Variants in SV2B observed in about 807,000 individuals in gnomAD.
SV2B encodes the protein solute carrier family 22 member B2.
In SV2B, 41 loss-of-function variants were observed where a neutral mutation model predicts 73.9. The ratio of observed to expected loss-of-function variants is 0.56; its 90% CI spans 0.43 to 0.72. SV2B has a LOEUF of 0.72. Ranked by LOEUF, SV2B falls within the 30% of genes least tolerant of loss-of-function variation. The pLI, the probability that SV2B is intolerant of heterozygous loss-of-function variation, is 0.00. For missense variants in SV2B, 764 were observed against 857.8 expected, an observed-to-expected ratio of 0.89 and a Z score of 1.37; for synonymous variants, 314 against 314.2, an observed-to-expected ratio of 1.00 and a Z score of 0.01.
intron 7 of SV2B, 33 bp downstream of exon 7, chr15:91,266,725 C>A (rs749358998): frequency 6.5e-7 from 1 of 1,532,210 alleles, no homozygotes; most frequent in Admixed American, 1.7e-5. Flanking sequence ...GATGAGGATG[C>A]GTCTCTATGG....
intron 1 of SV2B, among the ~76,000 whole-genome samples, chr15:91,201,608 G>T (rs1339679002): frequency 1.3e-5 from 2 of 152,188 alleles, no homozygotes; most frequent in South Asian, 4.1e-4. Flanking sequence ...CCTGTCTTCA[G>T]CCAAAGCTGC....
rs1184826395 is a variant in SV2B, at chr15:91,140,942, A to C, written c.-392+40579A>C. ...AAGAGAAACCACACAGCCTCAGATGAACATATGTTAACACTAAGATTCTCC... is the reference window on the plus strand; with the variant it reads ...AAGAGAAACCACACAGCCTCAGATGCACATATGTTAACACTAAGATTCTCC... On this transcript the variant is annotated intron_variant, in intron 1 of 12. Coordinates refer to ENST00000394232, the MANE Select transcript of SV2B (RefSeq NM_001323032.3). This position sits in a 1 kb window ranked among gnomAD's most constrained non-coding sequence, Gnocchi z 4.4. Among the ~76,000 whole-genome samples, 2 of 151,940 alleles carry C rather than the reference A, an allele frequency of 1.3e-5. No individual in the cohort carries two copies. The highest frequency in any genetic ancestry group is 4.8e-5 in the African/African-American group (2 of 41,366).
intron 1 of SV2B, among the ~76,000 whole-genome samples, chr15:91,143,022 T>C (rs568336051): frequency 5.8e-4 from 88 of 152,358 alleles, no homozygotes; most frequent in African/African-American, 2.1e-3. Flanking sequence ...ATGAGGCTCC[T>C]CTTACTCACC....
chr15:91,240,610 A>G lies in SV2B; in HGVS notation c.452-11209A>G, dbSNP rs1337229795. Reference sequence around the variant, plus strand: ...AGAGTAAAGAAGATTCTAGAATTCAATGTATTCTTGGTAAGCTTCCCAGCA... The same window carrying G: ...AGAGTAAAGAAGATTCTAGAATTCAGTGTATTCTTGGTAAGCTTCCCAGCA... On this transcript the variant is annotated intron_variant, in intron 2 of 12. Transcript: ENST00000394232. This position sits in a 1 kb window ranked among gnomAD's most constrained non-coding sequence, Gnocchi z 4.6. 6.6e-6 allele frequency among the ~76,000 whole-genome samples: 1 copy of G among 152,112 alleles called. No individual in the cohort carries two copies. The highest frequency in any genetic ancestry group is 2.4e-5 in the African/African-American group (1 of 41,434).
chr15:91,222,668 C>T (rs1393884065), intron 1 of SV2B, among the ~76,000 whole-genome samples: 2 of 152,192 alleles, frequency 1.3e-5, no homozygotes, highest in Non-Finnish European at 2.9e-5. Flanking sequence ...CACTCTGTAT[C>T]ATCCCTAACA....
intron 1 of SV2B, among the ~76,000 whole-genome samples, chr15:91,161,019 A>G (rs989301287): frequency 3.2e-5 from 4 of 126,418 alleles, no homozygotes; most frequent in African/African-American, 1.2e-4. Flanking sequence ...CCCACGGATT[A>G]ACCTCAAAAC....
chr15:91,268,456 A>G lies in SV2B; in HGVS notation c.1224A>G (p.Thr408=). 6.2e-7 allele frequency: 1 copy of G among 1,613,732 alleles called. No homozygotes were observed. The highest frequency in any genetic ancestry group is 8.5e-7 in the Non-Finnish European group (1 of 1,179,668). Residue 408 remains threonine (T), a synonymous_variant, in exon 9 of 13, where the codon ACA becomes ACG. Coordinates refer to ENST00000394232, the MANE Select transcript of SV2B (RefSeq NM_001323032.3). This position sits in a 1 kb window ranked among gnomAD's most constrained non-coding sequence, Gnocchi z 4.4. ...FAMAFSYYGL[T]VWFPDMIRYF... is the part of the protein sequence containing the mutation. ...TCCACTCCAGTTACTATGGACTGAC[A>G]GTTTGGTTTCCTGATATGATCCGCT...
chr15:91,221,693 G>GCACGCGCGCGCACGCGCGCA (rs1555486429), intron 1 of SV2B, among the ~76,000 whole-genome samples: 1 of 140,068 alleles, frequency 7.1e-6, no homozygotes, highest in African/African-American at 2.8e-5. Context: ...AAGCATGTGC[G>GCACGCGCGCGCACGCGCGCA]CACACACACA....
In SV2B at chr15:91,140,858, G is replaced by C. The variant is rs1374612042; in HGVS notation, c.-392+40495G>C. Reference sequence around the variant, plus strand: ...CCTGGTTGATTAGAGCCTTGCTGGGGGTTGATAAACACACACCGAGATAGA... The same window carrying C: ...CCTGGTTGATTAGAGCCTTGCTGGGCGTTGATAAACACACACCGAGATAGA... On this transcript the variant is annotated intron_variant, in intron 1 of 12. Transcript: ENST00000394232. The surrounding 1 kb of genome is among the most constrained non-coding windows in gnomAD (Gnocchi z 4.4). Among the ~76,000 whole-genome samples the C allele has an allele frequency of 6.6e-6, 1 of 151,728 alleles. No homozygotes were observed. The highest frequency in any genetic ancestry group is 1.5e-5 in the Non-Finnish European group (1 of 67,918).
At chr15:91,159,139 G>C (rs2043620018) in intron 1 of SV2B, among the ~76,000 whole-genome samples, 1 of 152,096 alleles carries the variant, frequency 6.6e-6, no homozygotes. Context: ...CTTTGCTTTA[G>C]AGAGCTCAGC....
upstream of SV2B, chr15:91,099,911 T>TG (rs1015634363): frequency 6.6e-6 from 1 of 152,278 alleles, no homozygotes; most frequent in Non-Finnish European, 1.5e-5. Flanking sequence ...ACGACGCCCA[T>TG]GATCAGCTGG....
intron 1 of SV2B, among the ~76,000 whole-genome samples, chr15:91,204,578 A>T (rs2045570380): frequency 7.7e-6 from 1 of 130,400 alleles, no homozygotes. Flanking sequence ...TTTTTTTGAG[A>T]CAGAATCTCA....
chr15:91,254,892 C>T (rs183017357), intron 4 of SV2B, among the ~76,000 whole-genome samples: 1 of 152,330 alleles, frequency 6.6e-6, no homozygotes, highest in Admixed American at 6.5e-5. Context: ...AGCCCGCCCT[C>T]ACACTTGACC....
Position 91,125,366 on chromosome 15 carries a change from C to T in SV2B, c.-392+25003C>T, listed in dbSNP as rs556791021. On this transcript the variant is annotated intron_variant, in intron 1 of 12. Transcript: ENST00000394232. The stretch of plus-strand genomic sequence containing the variant: ...GCCGGGTACTGCACTCATGACGTCA[C>T]ATGTTTTCTCATTTACTGAAAAGAC... Among the ~76,000 whole-genome samples, 5 of 152,264 alleles carry T rather than the reference C, an allele frequency of 3.3e-5. No individual in the cohort carries two copies. In the East Asian group the frequency reaches 5.8e-4, roughly 18 times the overall value.
intron 1 of SV2B, among the ~76,000 whole-genome samples, chr15:91,150,803 T>A (rs1440234916): frequency 6.6e-6 from 1 of 152,172 alleles, no homozygotes; most frequent in Non-Finnish European, 1.5e-5. Context: ...TAGATATGGG[T>A]GCAGAGGAGC....
rs1253971822 is a variant in SV2B at position 91,252,099 on chromosome 15, A to G, written c.632+100A>G. The G allele has an allele frequency of 1.2e-5, 17 of 1,454,258 alleles. No homozygotes were observed. The highest frequency in any genetic ancestry group is 2.8e-5 in the South Asian group (2 of 72,250). The allele number at this position is 1,454,258 out of a possible 1,614,324, so 90.1% of individuals were successfully genotyped here. On this transcript the variant is annotated intron_variant, in intron 3 of 12. Coordinates refer to ENST00000394232, the MANE Select transcript of SV2B (RefSeq NM_001323032.3). The surrounding 1 kb of genome is among the most constrained non-coding windows in gnomAD (Gnocchi z 4.6). ...GGTAACTCTAGAAACCCTTGGACTG[A>G]CTGAGTTTTTGTTTGACTTTCAGGA...
intron 11 of SV2B, among the ~76,000 whole-genome samples, chr15:91,286,525 C>G (rs888841071): frequency 6.6e-6 from 1 of 152,132 alleles, no homozygotes; most frequent in East Asian, 1.9e-4. Flanking sequence ...CAGACAGTAT[C>G]CCTGTGCTTA....
intron 1 of SV2B, among the ~76,000 whole-genome samples, chr15:91,205,214 G>C (rs1000544458): frequency 3.3e-5 from 5 of 152,100 alleles, no homozygotes; most frequent in African/African-American, 1.2e-4. Flanking sequence ...AAAAGCTCAG[G>C]ATCCAGTTAA....
rs2049382510 is a variant in SV2B, at chr15:91,299,847, G to A, written c.*7295G>A. 6.6e-6 allele frequency: 1 copy of A among 152,264 alleles called. No homozygotes were observed. The highest frequency in any genetic ancestry group is 2.4e-5 in the African/African-American group (1 of 41,544). The allele number at this position is 152,264 out of a possible 1,614,324, so 9.4% of individuals were successfully genotyped here. On this transcript the variant is annotated 3_prime_UTR_variant, in exon 13 of 13. Coordinates refer to ENST00000394232, the MANE Select transcript of SV2B (RefSeq NM_001323032.3). ...TTTAGTAGAGACGGGGTTTCGCCAT[G>A]TTGGCCAGGCTCGTCTCGAACTCCT...
Sources: allele counts gnomAD v4.1 joint callset (sites outside exome capture counted in the v4.1 genomes callset), GRCh38; gene constraint gnomAD v4.1.1; non-coding constraint Gnocchi (gnomAD v3.1); transcripts MANE v1.5; gene names NCBI Gene and HGNC (gene_info 2026-07-23, HGNC 2026-07-21).